SLC28A3: variants seen among roughly 807,000 people sequenced by gnomAD.
The protein encoded by SLC28A3 is concentrative Na(+)-nucleoside cotransporter 3.
SLC28A3 carries 68 observed loss-of-function variants against 84.2 expected under a neutral mutation model. That is an observed-to-expected ratio of 0.81 (90% confidence interval 0.66 to 0.99). SLC28A3 has a LOEUF of 0.99. SLC28A3 is among the 50% of genes least tolerant of loss of function. The pLI is 0.00. For missense variants in SLC28A3, 712 were observed against 841.5 expected, an observed-to-expected ratio of 0.85 and a Z score of 1.90; for synonymous variants, 267 against 303.6, an observed-to-expected ratio of 0.88 and a Z score of 1.25.
At chr9:84,366,133 C>T in the SLC28A3 span, among the ~76,000 whole-genome samples, 1 of 152,060 alleles carries the variant, frequency 6.6e-6, no homozygotes, top group East Asian at 1.9e-4. Flanking sequence ...AGCCTGGCTT[C>T]AAGCTCACTA....
At chr9:84,284,125 C>T (rs983315471) in intron 14 of SLC28A3, among the ~76,000 whole-genome samples, 1 of 152,188 alleles carries the variant, frequency 6.6e-6, no homozygotes, top group African/African-American at 2.4e-5. Flanking sequence ...TGCTCATTAA[C>T]AAAACGATTC....
chr9:84,320,043 T>TTTTG (rs200092272), intron 1 of SLC28A3, among the ~76,000 whole-genome samples: 5,989 of 87,508 alleles, frequency 0.068, 757 homozygotes, highest in African/African-American at 0.13. Flanking sequence ...TTGCACTGTT[T>TTTTG]TTTTTTTTTT....
the SLC28A3 span, among the ~76,000 whole-genome samples, chr9:84,368,413 G>A: frequency 2.6e-5 from 4 of 152,156 alleles, no homozygotes; most frequent in Admixed American, 2.6e-4. Context: ...CACAGTAACA[G>A]TCTGATCTCT....
At chr9:84,324,900 C>A (rs1453098588) in intron 1 of SLC28A3, among the ~76,000 whole-genome samples, 1 of 152,148 alleles carries the variant, frequency 6.6e-6, no homozygotes, top group Non-Finnish European at 1.5e-5. Context: ...TGGTATAAAG[C>A]AACCTTGACT....
At chr9:84,329,874 A>C (rs912451027) in intron 1 of SLC28A3, among the ~76,000 whole-genome samples, 18 of 152,068 alleles carry the variant, frequency 1.2e-4, no homozygotes, top group Admixed American at 3.9e-4. Flanking sequence ...ATCACAAATA[A>C]ATAAATAAAT....
rs1490816408 is a variant in SLC28A3, at chr9:84,276,952, G to C, written c.*1266C>G. ...GCATGTGGTCTTCATGCTATTAAGA[G>C]CAGTGGTGATGGGCATTTCGTTAAA... On this transcript the variant is annotated 3_prime_UTR_variant, in exon 18 of 18. Transcript: ENST00000376238. 6.6e-6 allele frequency: 1 copy of C among 152,226 alleles called. No individual in the cohort carries two copies. Among genetic ancestry groups the C allele is most frequent in the East Asian group, 1.9e-4 (1 of 5,198 alleles). The allele number at this position is 152,226 out of a possible 1,614,324, so 9.4% of individuals were successfully genotyped here. A position where few individuals can be genotyped will look rare whatever the true frequency, so the allele number is the denominator to read the frequency against.
At chr9:84,293,384 T>C in intron 9 of SLC28A3, among the ~76,000 whole-genome samples, 1 of 152,206 alleles carries the variant, frequency 6.6e-6, no homozygotes, top group East Asian at 1.9e-4. Context: ...TCTGAATGTT[T>C]TGGGGTTTAA....
In SLC28A3 at chr9:84,294,199, C is replaced by A; in HGVS notation, c.938G>T (p.Arg313Ile). Residue 313 changes from arginine (R) to isoleucine (I), a missense_variant, in exon 9 of 18, where the codon AGA (arginine) becomes ATA (isoleucine). Coordinates refer to ENST00000376238, the MANE Select transcript of SLC28A3 (RefSeq NM_001199633.2). ...YYLGLMQWII[R>I]KVGWIMLVTT... ...AGTCCCTCCCAGCCCCAGTACCTTTCTAATAATCCACTGCATCAGTCCCAG... is the reference window on the plus strand; with the variant it reads ...AGTCCCTCCCAGCCCCAGTACCTTTATAATAATCCACTGCATCAGTCCCAG... 1 of 1,613,982 alleles carries A rather than the reference C, an allele frequency of 6.2e-7. No homozygotes were observed. The highest frequency in any genetic ancestry group is 8.5e-7 in the Non-Finnish European group (1 of 1,179,892).
the SLC28A3 span, among the ~76,000 whole-genome samples, chr9:84,351,178 C>T: frequency 1.3e-5 from 2 of 152,174 alleles, no homozygotes; most frequent in African/African-American, 2.4e-5. Context: ...CTAAATACTA[C>T]AGCATAAACA....
intron 5 of SLC28A3, among the ~76,000 whole-genome samples, chr9:84,300,413 A>G (rs994850501): frequency 2.6e-5 from 4 of 152,170 alleles, no homozygotes; most frequent in Non-Finnish European, 5.9e-5. Context: ...AGAACTTGGA[A>G]TATGTTATCT....
At chr9:84,279,633 C>T (rs540724491) in intron 16 of SLC28A3, among the ~76,000 whole-genome samples, 3 of 152,256 alleles carry the variant, frequency 2.0e-5, no homozygotes, top group African/African-American at 7.2e-5. Context: ...GCGGTTTCGC[C>T]ACGTTGGTCA....
intron 1 of SLC28A3, among the ~76,000 whole-genome samples, chr9:84,335,657 G>A (rs1036219918): frequency 6.6e-6 from 1 of 152,022 alleles, no homozygotes; most frequent in African/African-American, 2.4e-5. Context: ...ATCAAAAGCT[G>A]CTATTGTTAT....
At chr9:84,304,719 G>C (rs1186637154) in intron 4 of SLC28A3, among the ~76,000 whole-genome samples, 1 of 152,134 alleles carries the variant, frequency 6.6e-6, no homozygotes, top group African/African-American at 2.4e-5. Flanking sequence ...GAGAGTAAGT[G>C]AGTCCAAAAA....
chr9:84,332,439 G>T (rs1826824157), intron 1 of SLC28A3, among the ~76,000 whole-genome samples: 1 of 152,146 alleles, frequency 6.6e-6, no homozygotes, highest in South Asian at 2.1e-4. Context: ...AGGAGGGATA[G>T]GGTAGGGGAC....
chr9:84,310,560 T>C (rs1471055964), intron 2 of SLC28A3: 11 of 985,474 alleles, frequency 1.1e-5, no homozygotes, highest in African/African-American at 5.2e-5. Context: ...ACTTGTCTTC[T>C]GTCATATCCA....
intron 12 of SLC28A3, 84 bp downstream of exon 12, chr9:84,287,964 A>G: frequency 3.2e-6 from 5 of 1,555,192 alleles, no homozygotes; most frequent in South Asian, 2.3e-5. Flanking sequence ...CTTTCCGGTT[A>G]TCAAATTTTT....
At chr9:84,361,584 G>A in the SLC28A3 span, among the ~76,000 whole-genome samples, 1 of 152,108 alleles carries the variant, frequency 6.6e-6, no homozygotes, top group Admixed American at 6.6e-5. Flanking sequence ...GACAGATTCA[G>A]GCCCAGCTCT....
At chr9:84,356,420 C>T in the SLC28A3 span, among the ~76,000 whole-genome samples, 1 of 152,168 alleles carries the variant, frequency 6.6e-6, no homozygotes, top group Non-Finnish European at 1.5e-5. Flanking sequence ...CACACCTGGG[C>T]AGGAAGGTAT....
rs745565149 is a variant in SLC28A3 at position 84,277,046 on chromosome 9, G to A, written c.*1172C>T. Reference sequence around the variant, plus strand: ...ACACCCATTCTTCAAGTTTGATACTGATGCCATCCTGGTCAATGAAATTAT... The same window carrying A: ...ACACCCATTCTTCAAGTTTGATACTAATGCCATCCTGGTCAATGAAATTAT... On this transcript the variant is annotated 3_prime_UTR_variant, in exon 18 of 18. Transcript: ENST00000376238. 3 of 152,206 alleles carry A rather than the reference G, an allele frequency of 2.0e-5. No individual in the cohort carries two copies. Among genetic ancestry groups the A allele is most frequent in the Non-Finnish European group, 4.4e-5 (3 of 68,040 alleles). 9.4% of individuals were successfully genotyped at this position (152,206 alleles called of 1,614,324 possible).
Sources: allele counts gnomAD v4.1 joint callset (sites outside exome capture counted in the v4.1 genomes callset), GRCh38; gene constraint gnomAD v4.1.1; transcripts MANE v1.5; gene names NCBI Gene and HGNC (gene_info 2026-07-23, HGNC 2026-07-21).